Variants in GRM8 observed in about 807,000 individuals in gnomAD.
GRM8 encodes the protein metabotropic glutamate receptor 8.
A neutral mutation model predicts 87.2 loss-of-function variants in GRM8; 47 were observed. The observed-to-expected ratio is 0.54, with a 90% CI of 0.43 to 0.69. GRM8 has a LOEUF of 0.69. Ranked by LOEUF, GRM8 falls within the 30% of genes least tolerant of loss-of-function variation. GRM8 has a pLI of 0.00. For missense variants in GRM8, 1,019 were observed against 1,139.2 expected (o/e 0.89, Z 1.52); for synonymous variants, 396 against 404.5 (o/e 0.98, Z 0.25).
intron 3 of GRM8, among the ~76,000 whole-genome samples, chr7:127,088,309 TAA>T (rs563234799): frequency 2.6e-3 from 398 of 152,270 alleles, no homozygotes; most frequent in Non-Finnish European, 3.9e-3. Flanking sequence ...TTCCTCTCAA[TAA>T]CCATGAAGGC....
chr7:127,212,712 C>T (rs1796297161), intron 2 of GRM8, among the ~76,000 whole-genome samples: 2 of 152,138 alleles, frequency 1.3e-5, no homozygotes, highest in East Asian at 3.9e-4. Context: ...CCACCGCGCC[C>T]GGCCGACATG....
chr7:127,054,590 C>A (rs751376161), intron 3 of GRM8, among the ~76,000 whole-genome samples: 1 of 152,036 alleles, frequency 6.6e-6, no homozygotes, highest in Non-Finnish European at 1.5e-5. Context: ...TGGATGTTAG[C>A]GCAACTAGTA....
chr7:126,573,710 A>G (rs1794879940), intron 8 of GRM8, among the ~76,000 whole-genome samples: 1 of 151,634 alleles, frequency 6.6e-6, no homozygotes, highest in Non-Finnish European at 1.5e-5. Context: ...TCAGCCTCTC[A>G]AGTAGCTTGG....
intron 3 of GRM8, among the ~76,000 whole-genome samples, chr7:126,906,206 A>AG (rs1208746203): frequency 6.6e-6 from 1 of 152,210 alleles, no homozygotes; most frequent in Admixed American, 6.5e-5. Context: ...AACCAGGAAG[A>AG]GGGCCCTCAT....
chr7:126,851,033 C>A (rs1017360633), intron 6 of GRM8, among the ~76,000 whole-genome samples: 3 of 152,180 alleles, frequency 2.0e-5, no homozygotes, highest in Admixed American at 6.5e-5. Flanking sequence ...ACCTACAAGG[C>A]TTTTCATACT....
chr7:127,231,647 C>T (rs1009406434), intron 2 of GRM8, among the ~76,000 whole-genome samples: 3 of 151,834 alleles, frequency 2.0e-5, no homozygotes, highest in Non-Finnish European at 4.4e-5. Flanking sequence ...CCATCTCTGG[C>T]AGAAAAAAAA....
Position 126,462,594 on chromosome 7 carries a change from A to G in GRM8, c.2431-16222T>C, listed in dbSNP as rs1484064036. On this transcript the variant is annotated intron_variant, in intron 9 of 10. Transcript: ENST00000339582. ...ATTTTTAAGTTGGAAGGCCATCTGG[A>G]TGCTATTATTAAAACTATGTTCCTA... 3.3e-5 allele frequency among the ~76,000 whole-genome samples: 5 copies of G among 151,666 alleles called. No individual in the cohort carries two copies. The East Asian group carries it at 9.7e-4, about 29-fold the overall frequency.
intron 9 of GRM8, among the ~76,000 whole-genome samples, chr7:126,496,875 A>C (rs1808826955): frequency 6.6e-6 from 1 of 151,776 alleles, no homozygotes; most frequent in Admixed American, 6.6e-5. Context: ...TCTCCCCCCC[A>C]CAGGTGAAAT....
chr7:126,739,262 A>C, intron 7 of GRM8, among the ~76,000 whole-genome samples: 1 of 150,408 alleles, frequency 6.6e-6, no homozygotes, highest in South Asian at 2.1e-4. Context: ...AATCAATTTT[A>C]ATGGAAGAAA....
intron 3 of GRM8, among the ~76,000 whole-genome samples, chr7:127,026,679 C>A (rs1816811058): frequency 6.6e-6 from 1 of 151,972 alleles, no homozygotes; most frequent in African/African-American, 2.4e-5. Flanking sequence ...ATCCTTTGCC[C>A]ACTTTTTGAT....
At chr7:126,812,263 G>A (rs1237319675) in intron 6 of GRM8, among the ~76,000 whole-genome samples, 1 of 151,976 alleles carries the variant, frequency 6.6e-6, no homozygotes, top group East Asian at 1.9e-4. Flanking sequence ...ATTAATTAAT[G>A]AGGGGGATAC....
chr7:126,940,841 C>T (rs1471473243), intron 3 of GRM8, among the ~76,000 whole-genome samples: 1 of 152,132 alleles, frequency 6.6e-6, no homozygotes, highest in East Asian at 1.9e-4. Context: ...GGCTGGTTGT[C>T]CCGGCTAAGA....
At chr7:127,179,531 C>T (rs1442720465) in intron 2 of GRM8, among the ~76,000 whole-genome samples, 1 of 152,088 alleles carries the variant, frequency 6.6e-6, no homozygotes, top group Non-Finnish European at 1.5e-5. Flanking sequence ...TTTCATCCAA[C>T]AACCGCAAAA....
rs1226052069 is a variant in GRM8 at position 126,948,031 on chromosome 7, C to T, written c.728-43348G>A. 2.6e-5 allele frequency among the ~76,000 whole-genome samples: 4 copies of T among 152,240 alleles called. No homozygotes were observed. The South Asian group carries it at 6.2e-4, about 24-fold the overall frequency. On this transcript the variant is annotated intron_variant, in intron 3 of 10. Coordinates refer to ENST00000339582, the MANE Select transcript of GRM8 (RefSeq NM_000845.3). ...TAAGGTTTGTGATTCCAGATCCATC[C>T]GTTAATCCACTCATGTAAGATTTGT...
intron 3 of GRM8, among the ~76,000 whole-genome samples, chr7:127,004,963 G>C (rs1814119144): frequency 6.6e-6 from 1 of 151,494 alleles, no homozygotes; most frequent in South Asian, 2.1e-4. Context: ...CACTTTCTTA[G>C]TTACCTAATC....
intron 3 of GRM8, among the ~76,000 whole-genome samples, chr7:127,024,616 A>T (rs1442759924): frequency 6.6e-6 from 1 of 152,112 alleles, no homozygotes; most frequent in Non-Finnish European, 1.5e-5. Context: ...CACACTGAGA[A>T]TAAAATAAAA....
chr7:126,533,825 C>T lies in GRM8; in HGVS notation c.1557G>A (p.Pro519=), dbSNP rs746933680. The T allele has an allele frequency of 2.5e-5, 40 of 1,613,954 alleles. No individual in the cohort carries two copies. Among genetic ancestry groups the T allele is most frequent in the African/African-American group, 6.7e-5 (5 of 74,922 alleles). Reference sequence around the variant, plus strand: ...TTTTCTTCCTCTCCCCTGGCTTACACGGCAGGCTGCAGACAGACGCCGGGT... The same window carrying T: ...TTTTCTTCCTCTCCCCTGGCTTACATGGCAGGCTGCAGACAGACGCCGGGT... ...HTHPASVCSL[P]CKPGERKKTV... The change falls in exon 9 of 11, where the codon CCG becomes CCA. Residue 519 remains proline, a synonymous_variant. Transcript: ENST00000339582.
At chr7:127,092,895 C>A (rs1247002986) in intron 3 of GRM8, among the ~76,000 whole-genome samples, 3 of 152,244 alleles carry the variant, frequency 2.0e-5, no homozygotes, top group Non-Finnish European at 4.4e-5. Context: ...ATGCCACCTG[C>A]ACCTGGCAAT....
intron 3 of GRM8, among the ~76,000 whole-genome samples, chr7:126,933,677 G>GTAA (rs575423217): frequency 3.2e-4 from 49 of 152,134 alleles, no homozygotes; most frequent in Non-Finnish European, 6.5e-4. Context: ...ACAATTCCTA[G>GTAA]TTGTAAATAA....
Sources: gnomAD v4.1 joint callset for allele counts (sites outside exome capture counted in the v4.1 genomes callset) on GRCh38, gnomAD v4.1.1 for gene constraint, MANE v1.5 for transcripts, NCBI Gene and HGNC (gene_info 2026-07-23, HGNC 2026-07-21) for gene names.